GCHFR: variants seen among roughly 807,000 people sequenced by gnomAD.
GCHFR encodes the protein GTP cyclohydrolase I feedback regulator.
GCHFR carries 12 observed loss-of-function variants against 10.6 expected under a neutral mutation model. That is an observed-to-expected ratio of 1.13 (90% CI 0.72 to 1.83). GCHFR has a LOEUF of 1.83. GCHFR is among the 40% of genes most tolerant of loss of function. The probability of loss-of-function intolerance (pLI) is 0.00; values close to 1 mark genes in which losing one functional copy is unlikely to be tolerated. For missense variants in GCHFR, 116 were observed against 110.6 expected, an observed-to-expected ratio of 1.05 and a Z score of -0.22; for synonymous variants, 54 against 43.7, an observed-to-expected ratio of 1.24 and a Z score of -0.93.
chr15:40,766,181 C>G, intron 2 of GCHFR: 1 of 305,576 alleles, frequency 3.3e-6, no homozygotes, highest in Non-Finnish European at 6.1e-6. Context: ...GGGTCTAGGA[C>G]TCCACTAGCA....
chr15:40,765,831 TG>T lies in GCHFR; in HGVS notation c.44del (p.Gly15AlafsTer14). 6.5e-7 allele frequency: 1 copy of T among 1,546,350 alleles called. No homozygotes were observed. The highest frequency in any genetic ancestry group is 8.8e-7 in the Non-Finnish European group (1 of 1,133,992). ...LLISTQIRME[V>X]GPTMVGDEQS... ...CCACTGTGGCTTACCTTGCAGGAGG[TG>T]GGCCCCACTATGGTGGGCGATGAAC... On this transcript the variant is annotated frameshift_variant, in exon 2 of 3. Transcript: ENST00000260447. LOFTEE classifies it high-confidence loss of function.
chr15:40,764,815 A>T (rs192106418), intron 1 of GCHFR, among the ~76,000 whole-genome samples: 1 of 152,250 alleles, frequency 6.6e-6, no homozygotes, highest in African/African-American at 2.4e-5. Flanking sequence ...ACCATGAGTT[A>T]GAAGTCACGT....
chr15:40,764,551 T>G, intron 1 of GCHFR: 1 of 341,832 alleles, frequency 2.9e-6, no homozygotes, highest in Non-Finnish European at 5.3e-6. Flanking sequence ...CAGCACCTAG[T>G]GCCCTGCACA....
Position 40,767,541 on chromosome 15 carries a change from C to T in GCHFR, c.*192C>T, listed in dbSNP as rs1888978427. The T allele has an allele frequency of 4.5e-6, 3 of 673,750 alleles. No individual in the cohort carries two copies. Among genetic ancestry groups the T allele is most frequent in the South Asian group, 2.3e-5 (1 of 44,096 alleles). The allele number at this position is 673,750 out of a possible 1,614,324, so 41.7% of individuals were successfully genotyped here. A position where few individuals can be genotyped will look rare whatever the true frequency, so the allele number is the denominator to read the frequency against. ...TCAAGCAGTGGGAGAGGGCAGTGCC[C>T]GGTGCCCTGGTGCTCCCAGCTGCCC... On this transcript the variant is annotated 3_prime_UTR_variant, in exon 3 of 3. Coordinates refer to ENST00000260447, the MANE Select transcript of GCHFR (RefSeq NM_005258.3).
At chr15:40,766,622 C>T (rs1476665329) in intron 2 of GCHFR, 1 of 152,326 alleles carries the variant, frequency 6.6e-6, no homozygotes, top group African/African-American at 2.4e-5. Context: ...GGGCTTGAGC[C>T]CTTTGTCTGC....
rs1264407008 is a variant in GCHFR, at chr15:40,767,206, C to CG, written c.132-20_132-19insG. The CG allele has an allele frequency of 1.3e-6, 2 of 1,486,708 alleles. No homozygotes were observed. The highest frequency in any genetic ancestry group is 2.9e-5 in the African/African-American group (2 of 69,192). 92.1% of individuals were successfully genotyped at this position (1,486,708 alleles called of 1,614,324 possible). A position where few individuals can be genotyped will look rare whatever the true frequency, so the allele number is the denominator to read the frequency against. ...TTGCTGTGTGCCCCTCCTCACCCCC[C>CG]CCATCCTGTCTCTTTGCAGTTATGA... is the stretch of plus-strand genomic sequence containing the variant. On this transcript the variant is annotated intron_variant, in intron 2 of 2. Coordinates refer to ENST00000260447, the MANE Select transcript of GCHFR (RefSeq NM_005258.3).
At chr15:40,766,231 T>A (rs1888946402) in intron 2 of GCHFR, 1 of 220,578 alleles carries the variant, frequency 4.5e-6, no homozygotes, top group Non-Finnish European at 8.9e-6. Flanking sequence ...CTGGACCCCA[T>A]CAAGGACAGA....
intron 2 of GCHFR, 23 bp from the exon 3 acceptor site, chr15:40,767,203 C>T (rs200668576): frequency 2.1e-5 from 31 of 1,474,744 alleles, no homozygotes; most frequent in East Asian, 1.1e-4. Flanking sequence ...CCTCCTCACC[C>T]CCCCCATCCT....
In GCHFR at chr15:40,765,815, C is replaced by T; in HGVS notation, c.37-12C>T. The T allele has an allele frequency of 6.7e-7, 1 of 1,491,058 alleles. No homozygotes were observed. The highest frequency in any genetic ancestry group is 1.9e-5 in the Admixed American group (1 of 53,700). 92.4% of individuals were successfully genotyped at this position (1,491,058 alleles called of 1,614,324 possible). Reference sequence around the variant, plus strand: ...GCAGCCAGCCAAGCAGCCACTGTGGCTTACCTTGCAGGAGGTGGGCCCCAC... The same window carrying T: ...GCAGCCAGCCAAGCAGCCACTGTGGTTTACCTTGCAGGAGGTGGGCCCCAC... On this transcript the variant is annotated splice_polypyrimidine_tract_variant and intron_variant, in intron 1 of 2. Transcript: ENST00000260447.
chr15:40,767,173 C>T (rs1888967053), intron 2 of GCHFR, 53 bp from the exon 3 acceptor site: 1 of 1,442,058 alleles, frequency 6.9e-7, no homozygotes, highest in African/African-American at 1.5e-5. Context: ...TAGCTTTGTA[C>T]CAGGAGCTTG....
In GCHFR at chr15:40,767,246, A is replaced by G; in HGVS notation, c.152A>G (p.Asp51Gly). Residue 51 changes from aspartate (D) to glycine (G), a missense_variant, in exon 3 of 3, where the codon GAC becomes GGC. By Grantham distance (94) the Asp-to-Gly change is moderately conservative (BLOSUM62 -1). Coordinates refer to ENST00000260447, the MANE Select transcript of GCHFR (RefSeq NM_005258.3). ...TGCAGTTATGAATACTACGTCGATG[A>G]CCCTCCCCGCATAGTCCTGGACAAG... ...GNNFYEYYVD[D>G]PPRIVLDKLE... 1 of 1,574,640 alleles carries G rather than the reference A, an allele frequency of 6.4e-7. No homozygotes were observed. The highest frequency in any genetic ancestry group is 8.6e-7 in the Non-Finnish European group (1 of 1,160,524).
intron 1 of GCHFR, chr15:40,764,434 G>A (rs937968437): frequency 2.0e-6 from 1 of 492,902 alleles, no homozygotes; most frequent in Non-Finnish European, 3.6e-6. Context: ...TTATTGCCGC[G>A]AAGGGGCCCG....
Position 40,764,082 on chromosome 15 carries a change from G to A in GCHFR, c.-99G>A, listed in dbSNP as rs1888895786. 7.5e-6 allele frequency: 9 copies of A among 1,200,400 alleles called. No individual in the cohort carries two copies. Among genetic ancestry groups the A allele is most frequent in the Non-Finnish European group, 9.2e-6 (8 of 867,032 alleles). 74.4% of individuals were successfully genotyped at this position (1,200,400 alleles called of 1,614,324 possible). A position where few individuals can be genotyped will look rare whatever the true frequency, so the allele number is the denominator to read the frequency against. ...CGCCTGTGGCCAGAGCCGGAGTAACGGGACTCCCAGCTGCGCGTCGCAGTC... is the reference window on the plus strand; with the variant it reads ...CGCCTGTGGCCAGAGCCGGAGTAACAGGACTCCCAGCTGCGCGTCGCAGTC... On this transcript the variant is annotated 5_prime_UTR_variant, in exon 1 of 3. Coordinates refer to ENST00000260447, the MANE Select transcript of GCHFR (RefSeq NM_005258.3).
rs542401325 is a variant in GCHFR, at chr15:40,764,149, C to G, written c.-32C>G. ...TGGAGTCGGCGTCCAGCCTAGAGCC[C>G]CCGGTGGGAGCCAGGCCGGGACGCG... On this transcript the variant is annotated 5_prime_UTR_variant, in exon 1 of 3. Transcript: ENST00000260447. The G allele has an allele frequency of 1.9e-6, 3 of 1,541,690 alleles. No individual in the cohort carries two copies. The highest frequency in any genetic ancestry group is 2.6e-6 in the Non-Finnish European group (3 of 1,145,000).
At position 40,767,446 on chromosome 15, in the gene GCHFR, T is replaced by A; in HGVS notation, c.*97T>A. The A allele has an allele frequency of 7.4e-7, 1 of 1,344,546 alleles. No individual in the cohort carries two copies. Among genetic ancestry groups the A allele is most frequent in the African/African-American group, 1.5e-5 (1 of 65,820 alleles). 83.3% of individuals were successfully genotyped at this position (1,344,546 alleles called of 1,614,324 possible). A position where few individuals can be genotyped will look rare whatever the true frequency, so the allele number is the denominator to read the frequency against. On this transcript the variant is annotated 3_prime_UTR_variant, in exon 3 of 3. Transcript: ENST00000260447. ...TGCCTCACCGTCTGCCTTGCTCCTC[T>A]CTTCCCAAATCATCACCGCCATGGG...
chr15:40,764,109 C>G lies in GCHFR; in HGVS notation c.-72C>G. On this transcript the variant is annotated 5_prime_UTR_variant, in exon 1 of 3. Transcript: ENST00000260447. ...GACTCCCAGCTGCGCGTCGCAGTCC[C>G]GACGCGAGAAGGGCTGGAGTCGGCG... 2.1e-6 allele frequency: 3 copies of G among 1,442,614 alleles called. No individual in the cohort carries two copies. The highest frequency in any genetic ancestry group is 2.7e-5 in the East Asian group (1 of 36,826). 89.4% of individuals were successfully genotyped at this position (1,442,614 alleles called of 1,614,324 possible).
chr15:40,767,139 G>A, intron 2 of GCHFR, 87 bp from the exon 3 acceptor site: 1 of 1,360,788 alleles, frequency 7.3e-7, no homozygotes, highest in Non-Finnish European at 9.7e-7. Context: ...CTACAAGAGT[G>A]GCCAGGCTGC....
intron 2 of GCHFR, 102 bp from the exon 3 acceptor site, chr15:40,767,124 A>T: frequency 8.1e-7 from 1 of 1,231,154 alleles, no homozygotes; most frequent in Non-Finnish European, 1.1e-6. Flanking sequence ...AGCAAGTGTG[A>T]GTCACTACAA....
chr15:40,767,539 C>G lies in GCHFR; in HGVS notation c.*190C>G, dbSNP rs1014236671. ...CGTCAAGCAGTGGGAGAGGGCAGTG[C>G]CCGGTGCCCTGGTGCTCCCAGCTGC... On this transcript the variant is annotated 3_prime_UTR_variant, in exon 3 of 3. Transcript: ENST00000260447. The G allele has an allele frequency of 4.4e-6, 3 of 678,006 alleles. No homozygotes were observed. The African/African-American group carries it at 5.7e-5, about 13-fold the overall frequency. 42.0% of individuals were successfully genotyped at this position (678,006 alleles called of 1,614,324 possible).
Sources: allele counts gnomAD v4.1 joint callset (sites outside exome capture counted in the v4.1 genomes callset), GRCh38; gene constraint gnomAD v4.1.1; transcripts MANE v1.5; gene names NCBI Gene and HGNC (gene_info 2026-07-23, HGNC 2026-07-21).